Variants in NOVA1 observed in about 807,000 individuals in gnomAD.
The protein encoded by NOVA1 is RNA-binding protein Nova-1.
NOVA1 carries 7 observed loss-of-function variants against 38.0 expected under a neutral mutation model. The observed-to-expected ratio is 0.18, with a 90% CI of 0.10 to 0.35. The LOEUF (loss-of-function observed/expected upper bound fraction) is 0.35. NOVA1 is among the 10% of genes least tolerant of loss of function. The pLI is 1.00. For missense variants in NOVA1, 460 were observed against 616.0 expected, an observed-to-expected ratio of 0.75 and a Z score of 2.68; for synonymous variants, 270 against 232.5, an observed-to-expected ratio of 1.16 and a Z score of -1.47.
rs1882171175 is a variant in NOVA1 at position 26,447,504 on chromosome 14, C to T, written c.*455G>A. On this transcript the variant is annotated 3_prime_UTR_variant, in exon 5 of 5. Coordinates refer to ENST00000539517, the MANE Select transcript of NOVA1 (RefSeq NM_002515.3). ...ATTTTCAAAATATTGTTTCCTACTT[C>T]ACTGTGCCCTAAGCAGGAAGTAAGA... The T allele has an allele frequency of 6.3e-6, 1 of 158,786 alleles. No homozygotes were observed. 9.8% of individuals were successfully genotyped at this position (158,786 alleles called of 1,614,324 possible). A position where few individuals can be genotyped will look rare whatever the true frequency, so the allele number is the denominator to read the frequency against.
intron 1 of NOVA1, chr14:26,596,935 C>T: frequency 8.4e-7 from 1 of 1,191,080 alleles, no homozygotes; most frequent in African/African-American, 1.6e-5. Flanking sequence ...CATCTTCGGG[C>T]GGCCATCACC....
intron 2 of NOVA1, among the ~76,000 whole-genome samples, chr14:26,530,644 A>AT (rs1889649094): frequency 6.6e-6 from 1 of 152,184 alleles, no homozygotes; most frequent in African/African-American, 2.4e-5. Context: ...GGAATTATCC[A>AT]TGCAAACAAA....
intron 2 of NOVA1, among the ~76,000 whole-genome samples, chr14:26,507,196 C>T (rs566104093): frequency 5.7e-4 from 87 of 151,970 alleles, no homozygotes; most frequent in Non-Finnish European, 9.4e-4. Flanking sequence ...ATCCACTTAA[C>T]GCTCAGATAA....
chr14:26,469,130 C>A lies in NOVA1; in HGVS notation c.519+3190G>T. ...TATCTGCTTCATATTTAAAACTCCA[C>A]GTGTAGAAGAATATCAAACTTGTAC... On this transcript the variant is annotated intron_variant, in intron 4 of 4. Coordinates refer to ENST00000539517, the MANE Select transcript of NOVA1 (RefSeq NM_002515.3). Among the ~76,000 whole-genome samples, 4 of 152,224 alleles carry A rather than the reference C, an allele frequency of 2.6e-5. No individual in the cohort carries two copies. The South Asian group carries it at 8.3e-4, about 32-fold the overall frequency.
At chr14:26,455,037 T>A (rs192330390) in intron 4 of NOVA1, among the ~76,000 whole-genome samples, 1 of 152,282 alleles carries the variant, frequency 6.6e-6, no homozygotes, top group East Asian at 1.9e-4. Flanking sequence ...TGATAAAATA[T>A]GTACAACAGA....
chr14:26,455,326 C>T (rs934972130), intron 4 of NOVA1, among the ~76,000 whole-genome samples: 1 of 152,062 alleles, frequency 6.6e-6, no homozygotes, highest in African/African-American at 2.4e-5. Flanking sequence ...CTACTTTATC[C>T]TATCTAAAGC....
chr14:26,575,077 A>G (rs1892750764), intron 2 of NOVA1, among the ~76,000 whole-genome samples: 1 of 152,236 alleles, frequency 6.6e-6, no homozygotes, highest in Non-Finnish European at 1.5e-5. Context: ...GAGTTTTGAC[A>G]TCAATATAGG....
chr14:26,494,010 G>A (rs1264898194), intron 2 of NOVA1, among the ~76,000 whole-genome samples: 2 of 152,134 alleles, frequency 1.3e-5, no homozygotes, highest in Admixed American at 6.5e-5. Context: ...CTTCCTCTAA[G>A]AGACTGCTAT....
intron 4 of NOVA1, among the ~76,000 whole-genome samples, chr14:26,461,211 G>A (rs1883635489): frequency 6.6e-6 from 1 of 152,076 alleles, no homozygotes; most frequent in Non-Finnish European, 1.5e-5. Context: ...TATATGGGAT[G>A]TAAAAAAAGG....
intron 2 of NOVA1, among the ~76,000 whole-genome samples, chr14:26,540,038 G>T (rs185664360): frequency 6.6e-6 from 1 of 152,124 alleles, no homozygotes; most frequent in Non-Finnish European, 1.5e-5. Flanking sequence ...AAGGAAGCTT[G>T]TTTCCCATTT....
At chr14:26,575,550 T>C (rs974674295) in intron 2 of NOVA1, among the ~76,000 whole-genome samples, 1 of 152,132 alleles carries the variant, frequency 6.6e-6, no homozygotes, top group Non-Finnish European at 1.5e-5. Context: ...ATCAAAAGCA[T>C]ACACAAGTTC....
At chr14:26,559,007 A>G (rs1891658902) in intron 2 of NOVA1, among the ~76,000 whole-genome samples, 1 of 152,060 alleles carries the variant, frequency 6.6e-6, no homozygotes, top group Non-Finnish European at 1.5e-5. Context: ...GAAAACTTAT[A>G]GGGAGAAGAT....
At chr14:26,503,762 A>G (rs1354537367) in intron 2 of NOVA1, among the ~76,000 whole-genome samples, 1 of 152,106 alleles carries the variant, frequency 6.6e-6, no homozygotes, top group Admixed American at 6.6e-5. Context: ...GGTTAGCTAA[A>G]TAAACTGATT....
chr14:26,588,784 T>A (rs1175420616), intron 2 of NOVA1, among the ~76,000 whole-genome samples: 2 of 151,534 alleles, frequency 1.3e-5, no homozygotes, highest in East Asian at 1.9e-4. Context: ...TAAAATAATT[T>A]ATGTTTTAAA....
intron 2 of NOVA1, among the ~76,000 whole-genome samples, chr14:26,530,250 T>C (rs956047683): frequency 6.6e-6 from 1 of 152,194 alleles, no homozygotes; most frequent in Admixed American, 6.5e-5. Context: ...ACCAGCTGAT[T>C]CTGTCAGTTA....
intron 2 of NOVA1, among the ~76,000 whole-genome samples, chr14:26,498,504 T>A (rs537495063): frequency 1.3e-5 from 2 of 152,290 alleles, no homozygotes; most frequent in Non-Finnish European, 1.5e-5. Context: ...CTGACAAGAA[T>A]ATTCAGAAAA....
At chr14:26,557,059 C>T (rs1186650867) in intron 2 of NOVA1, among the ~76,000 whole-genome samples, 1 of 152,144 alleles carries the variant, frequency 6.6e-6, no homozygotes, top group African/African-American at 2.4e-5. Context: ...TCTCTGCATG[C>T]ACATCTCTGT....
chr14:26,493,510 G>C (rs938015132), intron 2 of NOVA1, among the ~76,000 whole-genome samples: 1 of 152,134 alleles, frequency 6.6e-6, no homozygotes, highest in African/African-American at 2.4e-5. Flanking sequence ...ATATTACCTG[G>C]ATGTAACAGA....
At chr14:26,514,287 A>G (rs1197188310) in intron 2 of NOVA1, among the ~76,000 whole-genome samples, 1 of 151,764 alleles carries the variant, frequency 6.6e-6, no homozygotes, top group Admixed American at 6.6e-5. Flanking sequence ...AATCAACTCT[A>G]TTAAATGTAT....
Sources: allele counts gnomAD v4.1 joint callset (sites outside exome capture counted in the v4.1 genomes callset), GRCh38; gene constraint gnomAD v4.1.1; transcripts MANE v1.5; gene names NCBI Gene and HGNC (gene_info 2026-07-23, HGNC 2026-07-21).